The following KCNQ5 variants were observed in gnomAD, a reference collection of about 807,000 sequenced individuals.
KCNQ5 encodes the protein potassium voltage-gated channel subfamily KQT member 5.
Under a neutral mutation model 98.2 loss-of-function variants are expected in KCNQ5, and 30 were observed. The ratio of observed to expected loss-of-function variants is 0.31; its 90% CI spans 0.23 to 0.41. The LOEUF is 0.41. Among genes scored for constraint, KCNQ5 ranks in the 10% least tolerant of loss-of-function variants. KCNQ5 has a pLI of 1.00. For missense variants in KCNQ5, 835 were observed against 1,182.5 expected (o/e 0.71, Z 4.31); for synonymous variants, 458 against 449.4 (o/e 1.02, Z -0.24).
chr6:72,910,985 G>A (rs1280869318), intron 1 of KCNQ5, among the ~76,000 whole-genome samples: 4 of 152,170 alleles, frequency 2.6e-5, no homozygotes, highest in Admixed American at 2.0e-4. Context: ...CAGGGCCTGT[G>A]CCTATGACTC....
chr6:72,757,634 A>G (rs1339150991), intron 1 of KCNQ5, among the ~76,000 whole-genome samples: 1 of 152,146 alleles, frequency 6.6e-6, no homozygotes, highest in Non-Finnish European at 1.5e-5. Context: ...GGGTACTTGA[A>G]GTATGGTTTC....
intron 7 of KCNQ5, among the ~76,000 whole-genome samples, chr6:73,117,025 C>A (rs1425200615): frequency 6.6e-6 from 1 of 152,260 alleles, no homozygotes; most frequent in African/African-American, 2.4e-5. Context: ...ATCTCTTTGA[C>A]TGCCTAGAGC....
Position 73,195,985 on chromosome 6 carries a change from G to C in KCNQ5, c.*571G>C, listed in dbSNP as rs979413563. On this transcript the variant is annotated 3_prime_UTR_variant, in exon 14 of 14. Transcript: ENST00000370398. ...TTTGAATGTCAATTTGTGTGCTTTT[G>C]GTGATTTAGCGCTGTGGCAAGCAAT... 6.5e-6 allele frequency: 1 copy of C among 154,338 alleles called. No individual in the cohort carries two copies. The highest frequency in any genetic ancestry group is 1.4e-5 in the Non-Finnish European group (1 of 69,182). The allele number at this position is 154,338 out of a possible 1,614,324, so 9.6% of individuals were successfully genotyped here. A position where few individuals can be genotyped will look rare whatever the true frequency, so the allele number is the denominator to read the frequency against.
At chr6:72,719,373 G>A (rs915277620) in intron 1 of KCNQ5, among the ~76,000 whole-genome samples, 1 of 152,090 alleles carries the variant, frequency 6.6e-6, no homozygotes, top group African/African-American at 2.4e-5. Flanking sequence ...CTCTCTCATG[G>A]GTTTCTCTGA....
chr6:72,829,466 T>G (rs141737423), intron 1 of KCNQ5, among the ~76,000 whole-genome samples: 101 of 143,528 alleles, frequency 7.0e-4, no homozygotes, highest in African/African-American at 2.5e-3. Flanking sequence ...TCTCTCCTGC[T>G]TAAAAATGAC....
chr6:72,692,925 A>G (rs536530918), intron 1 of KCNQ5, among the ~76,000 whole-genome samples: 1 of 152,342 alleles, frequency 6.6e-6, no homozygotes, highest in Non-Finnish European at 1.5e-5. Flanking sequence ...CCTCCAGGCA[A>G]AGGAGCCATC....
In KCNQ5 at chr6:72,786,746, C is replaced by T. The variant is rs1773766072; in HGVS notation, c.398+164159C>T. On this transcript the variant is annotated intron_variant, in intron 1 of 13. Transcript: ENST00000370398. ...CCTGGGCCGGGCGCGGTGGCTCACG[C>T]CTGTAATCCCTGCACTTTGGGAGGC... 2.6e-5 allele frequency among the ~76,000 whole-genome samples: 4 copies of T among 151,968 alleles called. No homozygotes were observed. In the South Asian group the frequency reaches 8.3e-4, roughly 32 times the overall value.
intron 2 of KCNQ5, among the ~76,000 whole-genome samples, chr6:73,025,241 T>C (rs1433476588): frequency 6.6e-6 from 1 of 152,218 alleles, no homozygotes; most frequent in African/African-American, 2.4e-5. Flanking sequence ...ACCAAAACTG[T>C]TGCAACATAA....
chr6:73,058,208 C>G (rs554899919), intron 3 of KCNQ5, among the ~76,000 whole-genome samples: 1 of 152,096 alleles, frequency 6.6e-6, no homozygotes, highest in African/African-American at 2.4e-5. Flanking sequence ...GTCAGGAGAT[C>G]GAGACCATCC....
intron 1 of KCNQ5, among the ~76,000 whole-genome samples, chr6:72,927,498 A>G (rs1196018847): frequency 6.6e-6 from 1 of 152,144 alleles, no homozygotes; most frequent in Non-Finnish European, 1.5e-5. Context: ...AGCCTAATCT[A>G]GGTGACAATG....
chr6:72,724,869 T>C (rs1770175870), intron 1 of KCNQ5, among the ~76,000 whole-genome samples: 1 of 152,202 alleles, frequency 6.6e-6, no homozygotes, highest in African/African-American at 2.4e-5. Flanking sequence ...TTAAGTCAAA[T>C]AGAAAATATA....
intron 3 of KCNQ5, among the ~76,000 whole-genome samples, chr6:73,050,261 A>T (rs139000331): frequency 1.3e-5 from 1 of 75,272 alleles, no homozygotes; most frequent in African/African-American, 5.7e-5. Flanking sequence ...GAAGGAGGGA[A>T]GGAAGGAAGG....
intron 2 of KCNQ5, among the ~76,000 whole-genome samples, chr6:73,020,741 AT>A (rs1770565240): frequency 6.6e-6 from 1 of 152,176 alleles, no homozygotes; most frequent in Non-Finnish European, 1.5e-5. Flanking sequence ...AAAGACACTT[AT>A]CACTTTGAAG....
chr6:73,024,107 T>G (rs183090343), intron 2 of KCNQ5, among the ~76,000 whole-genome samples: 1 of 152,306 alleles, frequency 6.6e-6, no homozygotes, highest in East Asian at 1.9e-4. Context: ...TCAAAGGGAA[T>G]GTCTTGCTCT....
intron 2 of KCNQ5, among the ~76,000 whole-genome samples, chr6:73,021,254 A>T (rs1441093859): frequency 6.6e-6 from 1 of 152,122 alleles, no homozygotes; most frequent in Non-Finnish European, 1.5e-5. Flanking sequence ...TTCCATACAT[A>T]CTTTTATTTC....
intron 3 of KCNQ5, among the ~76,000 whole-genome samples, chr6:73,051,240 G>A (rs375481479): frequency 6.6e-6 from 1 of 152,184 alleles, no homozygotes; most frequent in African/African-American, 2.4e-5. Context: ...CATGGAGGCT[G>A]GCAGCCCCAC....
intron 1 of KCNQ5, among the ~76,000 whole-genome samples, chr6:72,702,829 T>C (rs1195769414): frequency 2.6e-5 from 4 of 152,210 alleles, no homozygotes; most frequent in Non-Finnish European, 2.9e-5. Context: ...AAGAAATCAT[T>C]CATATTTATT....
chr6:72,821,051 G>A (rs147920241), intron 1 of KCNQ5, among the ~76,000 whole-genome samples: 142 of 152,298 alleles, frequency 9.3e-4, no homozygotes, highest in African/African-American at 3.2e-3. Flanking sequence ...TCTCACCAAC[G>A]ACTATGTAGC....
chr6:72,929,244 T>C (rs1244322395), intron 1 of KCNQ5, among the ~76,000 whole-genome samples: 1 of 152,148 alleles, frequency 6.6e-6, no homozygotes, highest in African/African-American at 2.4e-5. Flanking sequence ...AAGTGACTAC[T>C]GATTGAATGC....
Sources: gnomAD v4.1 joint callset for allele counts (sites outside exome capture counted in the v4.1 genomes callset) on GRCh38, gnomAD v4.1.1 for gene constraint, MANE v1.5 for transcripts, NCBI Gene and HGNC (gene_info 2026-07-23, HGNC 2026-07-21) for gene names.